The following SDC1 variants were observed in gnomAD, a reference collection of about 807,000 sequenced individuals.
SDC1 encodes syndecan 1.
SDC1 carries 14 observed loss-of-function variants against 29.7 expected under a neutral mutation model. The ratio of observed to expected loss-of-function variants is 0.47; its 90% CI spans 0.31 to 0.74. The LOEUF (loss-of-function observed/expected upper bound fraction) is 0.74, where lower values mean the gene tolerates loss of function less well. SDC1 is among the 30% of genes least tolerant of loss of function. The probability of loss-of-function intolerance (pLI) is 0.05; values close to 1 mark genes in which losing one functional copy is unlikely to be tolerated. For synonymous variants in SDC1, 204 were observed against 175.5 expected (o/e 1.16, Z -1.29); for missense variants, 406 against 400.3 (o/e 1.01, Z -0.12).
In SDC1 at chr2:20,203,225, G is replaced by A. The variant is rs748457784; in HGVS notation, c.628-3C>T. Reference sequence around the variant, plus strand: ...CCCGAGGTTTCAAAGGTGAAGTCCTGTGGGAGGGCAGGGGCAGATTGGGTT... The same window carrying A: ...CCCGAGGTTTCAAAGGTGAAGTCCTATGGGAGGGCAGGGGCAGATTGGGTT... On this transcript the variant is annotated splice_polypyrimidine_tract_variant and splice_region_variant and intron_variant, in intron 3 of 4. Coordinates refer to ENST00000254351, the MANE Select transcript of SDC1 (RefSeq NM_002997.5). The A allele has an allele frequency of 1.9e-6, 3 of 1,603,114 alleles. No individual in the cohort carries two copies. Among genetic ancestry groups the A allele is most frequent in the South Asian group, 1.1e-5 (1 of 90,332 alleles).
upstream of SDC1, chr2:20,225,136 C>A: frequency 3.6e-6 from 1 of 276,034 alleles, no homozygotes; most frequent in Admixed American, 5.5e-5. Context: ...AAACTGGCCC[C>A]CCACCCCCAG....
rs1431584214 is a variant in SDC1, at chr2:20,224,883, G to A, written c.-16C>T. 11 of 1,218,430 alleles carry A rather than the reference G, an allele frequency of 9.0e-6. No homozygotes were observed. In the South Asian group the frequency reaches 2.8e-4, roughly 31 times the overall value. The allele number at this position is 1,218,430 out of a possible 1,614,324, so 75.5% of individuals were successfully genotyped here. A position where few individuals can be genotyped will look rare whatever the true frequency, so the allele number is the denominator to read the frequency against. On this transcript the variant is annotated 5_prime_UTR_variant, in exon 1 of 5. Coordinates refer to ENST00000254351, the MANE Select transcript of SDC1 (RefSeq NM_002997.5). The surrounding 1 kb of genome is among the most constrained non-coding windows in gnomAD (Gnocchi z 4.9). ...CGCGCCTCATGCTGCCCGGACCGGC[G>A]GCGGGAGAGCGGCAGGCTGCGCGGG... is the stretch of plus-strand genomic sequence containing the variant.
In SDC1 at chr2:20,202,476, T is replaced by C; in HGVS notation, c.*290A>G. 1 of 593,442 alleles carries C rather than the reference T, an allele frequency of 1.7e-6. No homozygotes were observed. The highest frequency in any genetic ancestry group is 2.0e-5 in the South Asian group (1 of 48,792). The allele number at this position is 593,442 out of a possible 1,614,324, so 36.8% of individuals were successfully genotyped here. A position where few individuals can be genotyped will look rare whatever the true frequency, so the allele number is the denominator to read the frequency against. ...TCCAGAGCTGGACCTGGGGAGAGGC[T>C]GCTTCAGTTTGGAGAAACCGAGTCA... On this transcript the variant is annotated 3_prime_UTR_variant, in exon 5 of 5. Coordinates refer to ENST00000254351, the MANE Select transcript of SDC1 (RefSeq NM_002997.5).
chr2:20,206,053 G>C (rs1677260169), intron 1 of SDC1, among the ~76,000 whole-genome samples: 1 of 152,200 alleles, frequency 6.6e-6, no homozygotes, highest in Non-Finnish European at 1.5e-5. Context: ...GCCTGGCCCT[G>C]ATACACCTTC....
intron 1 of SDC1, among the ~76,000 whole-genome samples, chr2:20,214,561 C>A (rs1005301007): frequency 6.6e-6 from 1 of 152,218 alleles, no homozygotes; most frequent in African/African-American, 2.4e-5. Context: ...AGCCTCCAAC[C>A]CCCAGCACAG....
chr2:20,202,774 A>G lies in SDC1; in HGVS notation c.925T>C (p.Tyr309His), dbSNP rs1677067960. 1 of 1,606,758 alleles carries G rather than the reference A, an allele frequency of 6.2e-7. No individual in the cohort carries two copies. Among genetic ancestry groups the G allele is most frequent in the Non-Finnish European group, 8.5e-7 (1 of 1,176,486 alleles). The change falls in exon 5 of 5, where the codon TAT becomes CAT. Residue 309 changes from tyrosine to histidine, a missense_variant. By Grantham distance (83) the Tyr-to-His change is moderately conservative. Transcript: ENST00000254351. ...GGCGCATGGCTCCCGCGTCAGGCAT[A>G]GAATTCCTCCTGTTTGGTGGGCTTC... ...YQKPTKQEEF[Y>H]A
chr2:20,218,714 CAT>C (rs1273362943), intron 1 of SDC1, among the ~76,000 whole-genome samples: 1 of 151,416 alleles, frequency 6.6e-6, no homozygotes, highest in Non-Finnish European at 1.5e-5. Context: ...GAGACAGACA[CAT>C]AGAGGGACAC....
intron 1 of SDC1, among the ~76,000 whole-genome samples, chr2:20,215,884 G>A (rs962439652): frequency 2.2e-5 from 3 of 136,090 alleles, no homozygotes; most frequent in African/African-American, 2.6e-5. Context: ...GCTAGTTCTC[G>A]GTCCCACCTC....
chr2:20,209,580 A>G (rs1378579262), intron 1 of SDC1, among the ~76,000 whole-genome samples: 6 of 152,224 alleles, frequency 3.9e-5, no homozygotes, highest in African/African-American at 1.4e-4. Context: ...GCCACCAGGG[A>G]TGGGGAGTCA....
At position 20,204,120 on chromosome 2, in the gene SDC1, A is replaced by G; in HGVS notation, c.320T>C (p.Leu107Pro). The change falls in exon 3 of 5, where the codon CTG (leucine) becomes CCG (proline). Residue 107 changes from leucine (L) to proline (P), a missense_variant. Physicochemically the swap from Leu to Pro is moderately conservative, Grantham distance 98. Transcript: ENST00000254351. ...EGPKEGEAVV[L>P]PEVEPGLTAR... is the part of the protein sequence containing the mutation. ...GGTGAGGCCAGGCTCCACTTCTGGC[A>G]GGACTACAGCCTCTCCCTCCTTGGG... 6.2e-7 allele frequency: 1 copy of G among 1,606,066 alleles called. No individual in the cohort carries two copies. Among genetic ancestry groups the G allele is most frequent in the Non-Finnish European group, 8.5e-7 (1 of 1,179,796 alleles).
At position 20,201,246 on chromosome 2, in the gene SDC1, C is replaced by T. The variant is rs1676997480; in HGVS notation, c.*1520G>A. 6.6e-6 allele frequency: 1 copy of T among 152,238 alleles called. No individual in the cohort carries two copies. Among genetic ancestry groups the T allele is most frequent in the African/African-American group, 2.4e-5 (1 of 41,448 alleles). The allele number at this position is 152,238 out of a possible 1,614,324, so 9.4% of individuals were successfully genotyped here. On this transcript the variant is annotated 3_prime_UTR_variant, in exon 5 of 5. Transcript: ENST00000254351. Reference sequence around the variant, plus strand: ...GCCATTTAGAAGATGGGGCTTGGAGCTTGGCAACACAGAAATTGACATCAG... The same window carrying T: ...GCCATTTAGAAGATGGGGCTTGGAGTTTGGCAACACAGAAATTGACATCAG...
chr2:20,210,008 T>C (rs773916791), intron 1 of SDC1, among the ~76,000 whole-genome samples: 1 of 152,208 alleles, frequency 6.6e-6, no homozygotes, highest in Non-Finnish European at 1.5e-5. Flanking sequence ...ATTGGTCACC[T>C]GCTGCTTGAA....
chr2:20,221,681 C>T lies in SDC1; in HGVS notation c.66+3121G>A, dbSNP rs376586367. On this transcript the variant is annotated intron_variant, in intron 1 of 4. Coordinates refer to ENST00000254351, the MANE Select transcript of SDC1 (RefSeq NM_002997.5). ...ATTTCAGGAATCCAAAATTCTGCTG[C>T]AACAGAAAAGATTCCTCTAAAAAAC... 6.6e-5 allele frequency among the ~76,000 whole-genome samples: 10 copies of T among 152,302 alleles called. No individual in the cohort carries two copies. In the South Asian group the frequency reaches 2.1e-3, roughly 32 times the overall value.
chr2:20,203,360 G>A (rs937723862), intron 3 of SDC1, 138 bp from the exon 4 acceptor site: 17 of 996,854 alleles, frequency 1.7e-5, no homozygotes, highest in South Asian at 1.0e-4. Flanking sequence ...AACCAGGATC[G>A]CACAGGGCCC....
At chr2:20,210,508 C>T (rs986466574) in intron 1 of SDC1, among the ~76,000 whole-genome samples, 7 of 152,216 alleles carry the variant, frequency 4.6e-5, no homozygotes, top group East Asian at 1.9e-4. Context: ...GATAAGACAA[C>T]GCTCACCCCA....
intron 1 of SDC1, among the ~76,000 whole-genome samples, chr2:20,206,745 C>T (rs1387522475): frequency 6.6e-6 from 1 of 152,234 alleles, no homozygotes; most frequent in African/African-American, 2.4e-5. Flanking sequence ...CTGCTTATGG[C>T]TTCTGTCTCT....
At chr2:20,207,630 G>T (rs549634864) in intron 1 of SDC1, among the ~76,000 whole-genome samples, 1 of 152,174 alleles carries the variant, frequency 6.6e-6, no homozygotes, top group Admixed American at 6.5e-5. Context: ...CCCTGAATCC[G>T]GGAGGCAAGA....
intron 1 of SDC1, among the ~76,000 whole-genome samples, chr2:20,221,304 G>C (rs1472533967): frequency 1.3e-5 from 2 of 152,198 alleles, no homozygotes; most frequent in Admixed American, 1.3e-4. Context: ...AATTAGAACT[G>C]ATCAGAAAAG....
intron 1 of SDC1, among the ~76,000 whole-genome samples, chr2:20,217,857 T>A (rs1677681364): frequency 6.6e-6 from 1 of 151,880 alleles, no homozygotes; most frequent in Admixed American, 6.6e-5. Flanking sequence ...GACTCTTGGG[T>A]GTGTGTGCGG....
Sources: allele counts gnomAD v4.1 joint callset (sites outside exome capture counted in the v4.1 genomes callset), GRCh38; gene constraint gnomAD v4.1.1; non-coding constraint Gnocchi (gnomAD v3.1); transcripts MANE v1.5; gene names NCBI Gene and HGNC (gene_info 2026-07-23, HGNC 2026-07-21).